Variants in CFAP54 observed in about 807,000 individuals in gnomAD.
CFAP54 encodes the protein cilia and flagella associated protein 54.
CFAP54 carries 290 observed loss-of-function variants against 370.4 expected under a neutral mutation model. The observed-to-expected ratio is 0.78, with a 90% CI of 0.71 to 0.86. The LOEUF is 0.86. CFAP54 is among the 40% of genes least tolerant of loss of function. CFAP54 has a pLI of 0.00. For synonymous variants in CFAP54, 1,206 were observed against 1,236.5 expected, an observed-to-expected ratio of 0.98 and a Z score of 0.52; for missense variants, 3,399 against 3,528.7, an observed-to-expected ratio of 0.96 and a Z score of 0.93.
chr12:96,736,159 T>C (rs1166929733), intron 50 of CFAP54, among the ~76,000 whole-genome samples: 1 of 152,146 alleles, frequency 6.6e-6, no homozygotes, highest in South Asian at 2.1e-4. Flanking sequence ...GAGGTAAGGA[T>C]GGGCCTGAGG....
chr12:96,662,988 G>A (rs1957011714), intron 38 of CFAP54, among the ~76,000 whole-genome samples: 1 of 152,054 alleles, frequency 6.6e-6, no homozygotes, highest in South Asian at 2.1e-4. Context: ...CCACTAAGAT[G>A]TTTCACAAGA....
At chr12:96,783,469 A>C (rs1010146706) in intron 60 of CFAP54, among the ~76,000 whole-genome samples, 1 of 152,244 alleles carries the variant, frequency 6.6e-6, no homozygotes, top group African/African-American at 2.4e-5. Flanking sequence ...AATGATAGAA[A>C]TAATCATATT....
At chr12:96,860,127 T>C (rs1959836832) in intron 66 of CFAP54, among the ~76,000 whole-genome samples, 1 of 129,800 alleles carries the variant, frequency 7.7e-6, no homozygotes, top group African/African-American at 3.0e-5. Flanking sequence ...TAAAAACTTG[T>C]TCTCTAATTT....
At chr12:96,728,188 G>A (rs1957866952) in intron 50 of CFAP54, among the ~76,000 whole-genome samples, 1 of 151,844 alleles carries the variant, frequency 6.6e-6, no homozygotes, top group South Asian at 2.1e-4. Flanking sequence ...TATCTTTGTG[G>A]CATTCTCTGT....
intron 38 of CFAP54, among the ~76,000 whole-genome samples, chr12:96,662,667 C>A (rs527884303): frequency 6.6e-6 from 1 of 152,156 alleles, no homozygotes; most frequent in African/African-American, 2.4e-5. Context: ...TAACATATCC[C>A]CCTGATCTCT....
intron 26 of CFAP54, among the ~76,000 whole-genome samples, chr12:96,609,849 A>T (rs1187372078): frequency 1.3e-5 from 2 of 152,242 alleles, no homozygotes; most frequent in African/African-American, 4.8e-5. Flanking sequence ...GAATCTAAAT[A>T]AAAGAACCAT....
intron 66 of CFAP54, among the ~76,000 whole-genome samples, chr12:96,832,794 G>T (rs919840404): frequency 6.6e-6 from 1 of 152,156 alleles, no homozygotes; most frequent in African/African-American, 2.4e-5. Flanking sequence ...GGTCTATATT[G>T]CAGGATCCCA....
At chr12:96,699,188 G>C (rs759404995) in intron 45 of CFAP54, among the ~76,000 whole-genome samples, 1 of 152,136 alleles carries the variant, frequency 6.6e-6, no homozygotes, top group Non-Finnish European at 1.5e-5. Flanking sequence ...ACGAAGACTC[G>C]CCTGCAATCA....
chr12:96,596,692 C>A (rs1355671084), intron 25 of CFAP54, among the ~76,000 whole-genome samples: 1 of 151,844 alleles, frequency 6.6e-6, no homozygotes, highest in African/African-American at 2.4e-5. Flanking sequence ...GAACTTCTAA[C>A]AGCAACAAAG....
chr12:96,595,453 G>A (rs150488367), intron 25 of CFAP54, among the ~76,000 whole-genome samples: 48 of 152,192 alleles, frequency 3.2e-4, no homozygotes, highest in Admixed American at 1.1e-3. Context: ...GAAAGTTATC[G>A]CCGTCATTGT....
intron 25 of CFAP54, among the ~76,000 whole-genome samples, chr12:96,595,260 A>G (rs1956165947): frequency 6.6e-6 from 1 of 152,060 alleles, no homozygotes; most frequent in Non-Finnish European, 1.5e-5. Flanking sequence ...GAGGAGCCTT[A>G]TCTAGGGTAA....
chr12:96,527,512 G>T, intron 9 of CFAP54, 68 bp downstream of exon 9: 5 of 1,028,870 alleles, frequency 4.9e-6, no homozygotes, highest in Middle Eastern at 2.2e-4. Context: ...ATTTTAACAT[G>T]GTAGTCCATA....
At chr12:96,765,035 G>T in intron 59 of CFAP54, 42 bp from the exon 60 acceptor site, 1 of 1,316,626 alleles carries the variant, frequency 7.6e-7, no homozygotes, top group East Asian at 2.6e-5. Context: ...CTATGAATTA[G>T]AAAGCTTATA....
chr12:96,837,229 AC>A (rs1959189075), intron 66 of CFAP54, among the ~76,000 whole-genome samples: 1 of 152,172 alleles, frequency 6.6e-6, no homozygotes, highest in Admixed American at 6.5e-5. Flanking sequence ...AGGCATTTGC[AC>A]CTTTAATTTT....
At chr12:96,626,753 C>T (rs1956553075) in intron 29 of CFAP54, 60 bp from the exon 30 acceptor site, 3 of 1,011,052 alleles carry the variant, frequency 3.0e-6, no homozygotes, top group Non-Finnish European at 3.9e-6. Context: ...CACTGGCAAC[C>T]CTTTGGTACT....
rs1237316570 is a variant in CFAP54 at position 96,644,218 on chromosome 12, C to G, written c.4357C>G (p.Leu1453Val). ...TGTTAGGAAAGCAGCACAACGATAC[C>G]TGATGGATTACTTGAATCCTCTAAT... ...TSVRKAAQRY[L>V]MDYLNPLILS... The change falls in exon 33 of 68, where the codon CTG becomes GTG. Residue 1453 changes from leucine to valine, a missense_variant. Coordinates refer to ENST00000524981, the MANE Select transcript of CFAP54 (RefSeq NM_001306084.2). 1 of 1,535,768 alleles carries G rather than the reference C, an allele frequency of 6.5e-7. No individual in the cohort carries two copies. The highest frequency in any genetic ancestry group is 2.0e-5 in the Admixed American group (1 of 50,976).
chr12:96,533,817 G>T lies in CFAP54; in HGVS notation c.1383G>T (p.Met461Ile), dbSNP rs1296016276. 6.5e-7 allele frequency: 1 copy of T among 1,528,278 alleles called. No individual in the cohort carries two copies. The highest frequency in any genetic ancestry group is 8.7e-7 in the Non-Finnish European group (1 of 1,144,758). 94.7% of individuals were successfully genotyped at this position (1,528,278 alleles called of 1,614,324 possible). Residue 461 changes from methionine to isoleucine, a missense_variant, in exon 10 of 68, where the codon ATG becomes ATT. Met to Ile is a conservative substitution (Grantham distance 10). Around this residue, in one of 3 missense-constraint regions of CFAP54, gnomAD observed 559 missense variants for 576.7 expected, o/e 0.97. Coordinates refer to ENST00000524981, the MANE Select transcript of CFAP54 (RefSeq NM_001306084.2). ...LIMSNIGADG[M>I]LDFPKTSLLE... ...TGTCAAATATTGGTGCAGATGGAAT[G>T]CTTGATTTTCCAAAAACATCTCTTC...
At chr12:96,845,411 G>A (rs1007074038) in intron 66 of CFAP54, among the ~76,000 whole-genome samples, 2 of 152,186 alleles carry the variant, frequency 1.3e-5, no homozygotes, top group African/African-American at 4.8e-5. Flanking sequence ...TCTCAGCTCT[G>A]GGAATGTGAT....
At chr12:96,689,118 T>G in intron 43 of CFAP54, 136 bp downstream of exon 43, 1 of 526,688 alleles carries the variant, frequency 1.9e-6, no homozygotes. Flanking sequence ...CAAGCCCGTC[T>G]TTCTCTTGCT....
Sources: gnomAD v4.1 joint callset for allele counts (sites outside exome capture counted in the v4.1 genomes callset) on GRCh38, gnomAD v4.1.1 for gene constraint, gnomAD v4.1.1 regional missense constraint, MANE v1.5 for transcripts, NCBI Gene and HGNC (gene_info 2026-07-23, HGNC 2026-07-21) for gene names.